EPAS1: variants seen among roughly 807,000 people sequenced by gnomAD.
The protein encoded by EPAS1 is endothelial PAS domain-containing protein 1.
In EPAS1, 23 loss-of-function variants were observed where a neutral mutation model predicts 87.9. The ratio of observed to expected loss-of-function variants is 0.26; its 90% CI spans 0.19 to 0.37. EPAS1 has a LOEUF of 0.37. Ranked by LOEUF, EPAS1 falls within the 10% of genes least tolerant of loss-of-function variation. EPAS1 has a pLI of 1.00. For missense variants in EPAS1, 1,138 were observed against 1,120.7 expected, an observed-to-expected ratio of 1.02 and a Z score of -0.22; for synonymous variants, 508 against 444.3, an observed-to-expected ratio of 1.14 and a Z score of -1.80.
At position 46,356,129 on chromosome 2, in the gene EPAS1, TCCCA is replaced by T; in HGVS notation, c.218-18_218-15del. 12 of 1,242,556 alleles carry T rather than the reference TCCCA, an allele frequency of 9.7e-6. No individual in the cohort carries two copies. The highest frequency in any genetic ancestry group is 2.4e-5 in the South Asian group (2 of 82,588). The allele number at this position is 1,242,556 out of a possible 1,614,324, so 77.0% of individuals were successfully genotyped here. A position where few individuals can be genotyped will look rare whatever the true frequency, so the allele number is the denominator to read the frequency against. On this transcript the variant is annotated intron_variant, in intron 2 of 15. Transcript: ENST00000263734. ...TTTCACTCCACATTCATGCAAGCTGTCCCACCCCCCCCCCTTTCCAGTTTGCTCT... is the reference window on the plus strand; with the variant it reads ...TTTCACTCCACATTCATGCAAGCTGTCCCCCCCCCCTTTCCAGTTTGCTCT...
Position 46,369,811 on chromosome 2 carries a change from CT to C in EPAS1, c.780-11del, listed in dbSNP as rs751271825. The stretch of plus-strand genomic sequence containing the variant: ...ATGGTCTTTCTTCCTTACATGCTGC[CT>C]TTTTAAAAACTCAGAATCACAGAAC... On this transcript the variant is annotated splice_polypyrimidine_tract_variant and intron_variant, in intron 6 of 15. Coordinates refer to ENST00000263734, the MANE Select transcript of EPAS1 (RefSeq NM_001430.5). 1 of 1,602,204 alleles carries C rather than the reference CT, an allele frequency of 6.2e-7. No individual in the cohort carries two copies. Among genetic ancestry groups the C allele is most frequent in the Non-Finnish European group, 8.5e-7 (1 of 1,171,038 alleles).
chr2:46,317,846 G>A (rs6708824), intron 1 of EPAS1, among the ~76,000 whole-genome samples: 3,384 of 152,272 alleles, frequency 0.022, 52 homozygotes, highest in African/African-American at 0.039. Flanking sequence ...GCATTTTTAT[G>A]TTATGGAGAT....
intron 1 of EPAS1, among the ~76,000 whole-genome samples, chr2:46,330,444 C>G (rs552741783): frequency 9.2e-5 from 14 of 152,306 alleles, no homozygotes; most frequent in African/African-American, 3.1e-4. Context: ...TGTAGCTTAT[C>G]TTTTAAAATA....
chr2:46,381,245 G>A, intron 12 of EPAS1: 1 of 386,016 alleles, frequency 2.6e-6, no homozygotes, highest in Non-Finnish European at 5.0e-6. Context: ...GCCACTCCCA[G>A]GGGCCGCTGG....
rs1456606052 is a variant in EPAS1, at chr2:46,381,648, G to A, written c.2098G>A (p.Val700Ile). Residue 700 changes from valine (V) to isoleucine (I), a missense_variant, in exon 13 of 16, where the codon GTA (valine) becomes ATA (isoleucine). Coordinates refer to ENST00000263734, the MANE Select transcript of EPAS1 (RefSeq NM_001430.5). ...RGPDVLSPAM[V>I]ALSNKLKLKR... ...CCCAGACGTGCTGAGTCCGGCCATGGTAGCCCTCTCCAACAAGCTGAAGCT... is the reference window on the plus strand; with the variant it reads ...CCCAGACGTGCTGAGTCCGGCCATGATAGCCCTCTCCAACAAGCTGAAGCT... 5 of 1,613,914 alleles carry A rather than the reference G, an allele frequency of 3.1e-6. No individual in the cohort carries two copies. The Admixed American group carries it at 8.3e-5, about 27-fold the overall frequency.
At chr2:46,340,012 G>A (rs1683878859) in intron 1 of EPAS1, among the ~76,000 whole-genome samples, 1 of 152,182 alleles carries the variant, frequency 6.6e-6, no homozygotes, top group Non-Finnish European at 1.5e-5. Flanking sequence ...TAAACATTCA[G>A]ACCTTGGCAC....
intron 9 of EPAS1, 68 bp from the exon 10 acceptor site, chr2:46,377,826 G>C: frequency 6.4e-7 from 1 of 1,551,258 alleles, no homozygotes; most frequent in South Asian, 1.2e-5. Context: ...GCGGTTTTTG[G>C]GCCTCCTCTG....
intron 1 of EPAS1, among the ~76,000 whole-genome samples, chr2:46,312,433 A>G (rs1048064633): frequency 3.3e-5 from 5 of 152,238 alleles, no homozygotes; most frequent in African/African-American, 1.2e-4. Context: ...GTTTGAAATG[A>G]GCTAGAGTTT....
intron 1 of EPAS1, among the ~76,000 whole-genome samples, chr2:46,298,418 G>C (rs1054657123): frequency 1.3e-5 from 2 of 152,236 alleles, no homozygotes; most frequent in Admixed American, 6.5e-5. Context: ...GTGGGCAAAG[G>C]GGGGCGGGAG....
At chr2:46,341,053 T>G (rs537638443) in intron 1 of EPAS1, among the ~76,000 whole-genome samples, 3 of 152,332 alleles carry the variant, frequency 2.0e-5, no homozygotes, top group African/African-American at 7.2e-5. Context: ...CATTGATACC[T>G]TTCCTCCCTT....
intron 1 of EPAS1, among the ~76,000 whole-genome samples, chr2:46,303,249 A>C (rs1379911810): frequency 6.6e-6 from 1 of 152,124 alleles, no homozygotes; most frequent in Non-Finnish European, 1.5e-5. Flanking sequence ...GTGTATTTAG[A>C]GGTGGAGAAA....
chr2:46,334,737 G>T (rs1262092113), intron 1 of EPAS1, among the ~76,000 whole-genome samples: 4 of 152,150 alleles, frequency 2.6e-5, no homozygotes, highest in African/African-American at 9.7e-5. Flanking sequence ...CATTGCTGGG[G>T]GAAAAATACA....
rs1684371301 is a variant in EPAS1 at position 46,360,890 on chromosome 2, G to T, written c.579G>T (p.Leu193Phe). 6.2e-7 allele frequency: 1 copy of T among 1,614,158 alleles called. No individual in the cohort carries two copies. The highest frequency in any genetic ancestry group is 2.2e-5 in the East Asian group (1 of 44,876). ...VNLKSATWKV[L>F]HCTGQVKVYN... ...CCCTTCCACGCCTGTCTCAGGTCTT[G>T]CACTGCACGGGCCAGGTGAAAGTCT... The change falls in exon 6 of 16, where the codon TTG (leucine) becomes TTT (phenylalanine). Residue 193 changes from leucine to phenylalanine, a missense_variant. By Grantham distance (22) the Leu-to-Phe change is conservative (BLOSUM62 0). Coordinates refer to ENST00000263734, the MANE Select transcript of EPAS1 (RefSeq NM_001430.5). The surrounding 1 kb of genome is among the most constrained non-coding windows in gnomAD (Gnocchi z 4.5).
intron 1 of EPAS1, among the ~76,000 whole-genome samples, chr2:46,338,375 A>G (rs187448678): frequency 7.2e-5 from 11 of 152,318 alleles, no homozygotes; most frequent in African/African-American, 2.6e-4. Context: ...TGCGGAGGTT[A>G]ATTAGTCTCT....
At chr2:46,308,449 T>C (rs1266955126) in intron 1 of EPAS1, among the ~76,000 whole-genome samples, 1 of 108,668 alleles carries the variant, frequency 9.2e-6, no homozygotes, top group Admixed American at 1.0e-4. Context: ...AATACCTTGC[T>C]TGCTTTTTTT....
rs1483453367 is a variant in EPAS1, at chr2:46,376,539, T to C, written c.1035T>C (p.Ser345=). 2 of 1,596,394 alleles carry C rather than the reference T, an allele frequency of 1.3e-6. No homozygotes were observed. Among genetic ancestry groups the C allele is most frequent in the Non-Finnish European group, 1.7e-6 (2 of 1,164,140 alleles). ...QCIMCVNYVL[S]EIEKNDVVFS... ...TGAATGGCTCTTTCCCCCCCATTAGTGAGATTGAGAAGAATGACGTGGTGT... is the reference window on the plus strand; with the variant it reads ...TGAATGGCTCTTTCCCCCCCATTAGCGAGATTGAGAAGAATGACGTGGTGT... The change falls in exon 9 of 16, where the codon AGT becomes AGC. Residue 345 remains serine, a splice_region_variant and synonymous_variant. Transcript: ENST00000263734.
At chr2:46,301,679 C>G (rs959409014) in intron 1 of EPAS1, among the ~76,000 whole-genome samples, 1 of 151,728 alleles carries the variant, frequency 6.6e-6, no homozygotes, top group Non-Finnish European at 1.5e-5. Flanking sequence ...TGAAATATCT[C>G]TAGATAGTGA....
chr2:46,358,400 A>G (rs78118986), intron 4 of EPAS1, among the ~76,000 whole-genome samples: 3,158 of 152,292 alleles, frequency 0.021, 122 homozygotes, highest in African/African-American at 0.073. Context: ...CTCTCTAAAA[A>G]GAGGATTCAT....
chr2:46,313,300 C>T (rs376620363), intron 1 of EPAS1, among the ~76,000 whole-genome samples: 26 of 152,266 alleles, frequency 1.7e-4, no homozygotes, highest in East Asian at 1.2e-3. Flanking sequence ...CAGCCCCACC[C>T]ATGAGGCTGG....
Sources: allele counts gnomAD v4.1 joint callset (sites outside exome capture counted in the v4.1 genomes callset), GRCh38; gene constraint gnomAD v4.1.1; non-coding constraint Gnocchi (gnomAD v3.1); transcripts MANE v1.5; gene names NCBI Gene and HGNC (gene_info 2026-07-23, HGNC 2026-07-21).